The following NEK10 variants were observed in gnomAD, a reference collection of about 807,000 sequenced individuals.
NEK10 encodes the protein serine/threonine-protein kinase Nek10.
In NEK10, 122 loss-of-function variants were observed where a neutral mutation model predicts 159.8. The observed-to-expected ratio is 0.76, with a 90% CI of 0.66 to 0.89. NEK10 has a LOEUF of 0.89. NEK10 is among the 40% of genes least tolerant of loss of function. NEK10 has a pLI of 0.00. For synonymous variants in NEK10, 466 were observed against 457.1 expected (o/e 1.02, Z -0.25); for missense variants, 1,342 against 1,323.1 (o/e 1.01, Z -0.22).
chr3:27,290,550 CA>C, intron 19 of NEK10, 66 bp downstream of exon 19: 13 of 1,196,332 alleles, frequency 1.1e-5, no homozygotes, highest in Non-Finnish European at 1.4e-5. Context: ...AAGAGCACCA[CA>C]ACTCTACTTT....
At chr3:27,151,931 C>T (rs183539329) in intron 30 of NEK10, among the ~76,000 whole-genome samples, 135 of 152,128 alleles carry the variant, frequency 8.9e-4, no homozygotes, top group African/African-American at 3.1e-3. Flanking sequence ...TTAACCCACT[C>T]GAACAAAGAC....
chr3:27,308,130 A>G (rs2044386505), intron 10 of NEK10, among the ~76,000 whole-genome samples, 185 bp from the exon 11 acceptor site: 1 of 152,210 alleles, frequency 6.6e-6, no homozygotes, highest in Non-Finnish European at 1.5e-5. Flanking sequence ...ATGGTGGAAG[A>G]TAAAGGAGAA....
intron 2 of NEK10, 119 bp from the exon 3 acceptor site, chr3:27,352,644 A>G: frequency 1.2e-6 from 1 of 834,518 alleles, no homozygotes; most frequent in Non-Finnish European, 2.0e-6. Context: ...ATGAATACAC[A>G]CACTAAACAT....
chr3:27,261,974 G>A (rs1407813104), intron 22 of NEK10, among the ~76,000 whole-genome samples: 5 of 152,166 alleles, frequency 3.3e-5, no homozygotes, highest in Admixed American at 6.5e-5. Flanking sequence ...TTACCATTAT[G>A]TAATGGCCTT....
At chr3:27,293,491 A>T in intron 16 of NEK10, 97 bp downstream of exon 16, 1 of 592,800 alleles carries the variant, frequency 1.7e-6, no homozygotes, top group Non-Finnish European at 3.0e-6. Flanking sequence ...CTGACGCATT[A>T]TTTTCCTTCT....
chr3:27,214,324 G>A (rs902408900), intron 23 of NEK10, among the ~76,000 whole-genome samples: 1 of 152,184 alleles, frequency 6.6e-6, no homozygotes, highest in African/African-American at 2.4e-5. Context: ...GTCCTCACAT[G>A]TGGCTCAGAA....
chr3:27,335,941 C>T (rs188234372), intron 5 of NEK10, among the ~76,000 whole-genome samples: 68 of 151,954 alleles, frequency 4.5e-4, no homozygotes, highest in African/African-American at 1.6e-3. Flanking sequence ...TAATAATACA[C>T]CTCAAGATAC....
chr3:27,363,072 C>T (rs764293718), intron 1 of NEK10, among the ~76,000 whole-genome samples: 1 of 152,188 alleles, frequency 6.6e-6, no homozygotes, highest in Non-Finnish European at 1.5e-5. Flanking sequence ...GCCACCCAGC[C>T]AGCTGTTACT....
chr3:27,106,693 T>C lies in NEK10; in HGVS notation c.*4579A>G, dbSNP rs927656276. ...GTTTGTTATTTCTGGCACAAACTTC[T>C]CTCTGCATGTTTTATGGGACCAGTT... On this transcript the variant is annotated 3_prime_UTR_variant, in exon 36 of 36. Transcript: ENST00000691995. Among the ~76,000 whole-genome samples, 1 of 152,232 alleles carries C rather than the reference T, an allele frequency of 6.6e-6. No individual in the cohort carries two copies. Among genetic ancestry groups the C allele is most frequent in the African/African-American group, 2.4e-5 (1 of 41,466 alleles).
chr3:27,203,327 A>C (rs530042178), intron 23 of NEK10, among the ~76,000 whole-genome samples: 3 of 152,318 alleles, frequency 2.0e-5, no homozygotes, highest in Admixed American at 1.3e-4. Flanking sequence ...TCTAGCATAT[A>C]AAGTAGGGGG....
intron 30 of NEK10, among the ~76,000 whole-genome samples, chr3:27,151,561 C>T (rs1944872748): frequency 6.6e-6 from 1 of 152,114 alleles, no homozygotes; most frequent in African/African-American, 2.4e-5. Flanking sequence ...AAGAAGGAAC[C>T]AGAAAACCAG....
intron 15 of NEK10, among the ~76,000 whole-genome samples, chr3:27,294,102 T>A (rs2043181183): frequency 6.6e-6 from 1 of 152,216 alleles, no homozygotes; most frequent in African/African-American, 2.4e-5. Context: ...GCACACTGGA[T>A]TCAAACTTGA....
rs1389347508 is a variant in NEK10 at position 27,201,548 on chromosome 3, T to C, written c.2253A>G (p.Glu751=). The C allele has an allele frequency of 1.2e-6, 2 of 1,613,942 alleles. No individual in the cohort carries two copies. The highest frequency in any genetic ancestry group is 1.3e-5 in the African/African-American group (1 of 74,936). Residue 751 remains glutamate (E), a synonymous_variant, in exon 25 of 36, where the codon GAA becomes GAG. Transcript: ENST00000691995. ...CTGTTACTTTTTCAGAGTAGATACCTTCTGGGACTGGTTCATATACCGCCT... is the reference window on the plus strand; with the variant it reads ...CTGTTACTTTTTCAGAGTAGATACCCTCTGGGACTGGTTCATATACCGCCT... ...IVEAVYEPVP[E]GIYSEKVTDT...
chr3:27,112,609 A>G (rs1382600597), intron 35 of NEK10, among the ~76,000 whole-genome samples: 1 of 152,220 alleles, frequency 6.6e-6, no homozygotes, highest in Non-Finnish European at 1.5e-5. Context: ...TATTCCATGT[A>G]AAGAGTGAGG....
intron 23 of NEK10, among the ~76,000 whole-genome samples, chr3:27,253,823 A>G (rs1480563984): frequency 2.0e-5 from 3 of 152,200 alleles, no homozygotes; most frequent in African/African-American, 7.2e-5. Context: ...GAAAATAAGA[A>G]TTATAGAATT....
At chr3:27,238,746 C>CGTGTGTGTGTGTGT (rs59740177) in intron 23 of NEK10, among the ~76,000 whole-genome samples, 1 of 138,036 alleles carries the variant, frequency 7.2e-6, no homozygotes, top group Non-Finnish European at 1.5e-5. Context: ...CCTCCCCTTT[C>CGTGTGTGTGTGTGT]GTGTGTGTGT....
In NEK10 at chr3:27,346,147, C is replaced by T. The variant is rs956325936; in HGVS notation, c.202G>A (p.Gly68Arg). Residue 68 changes from glycine (G) to arginine (R), a missense_variant, in exon 4 of 36, where the codon GGA becomes AGA. Gly to Arg is a moderately radical substitution (Grantham distance 125). Coordinates refer to ENST00000691995, the MANE Select transcript of NEK10 (RefSeq NM_001394966.1). The part of the protein sequence containing the change: ...TKSEPAIRAG[G>R]HRARGQWHES... ...TGCCACTGACCCCGAGCTCTGTGTC[C>T]ACCCGCCCTGATGGCGGGCTCAGAC... 3.1e-6 allele frequency: 5 copies of T among 1,613,660 alleles called. No homozygotes were observed. Among genetic ancestry groups the T allele is most frequent in the Admixed American group, 1.7e-5 (1 of 59,992 alleles).
intron 1 of NEK10, among the ~76,000 whole-genome samples, chr3:27,358,019 C>T (rs147963005): frequency 6.6e-6 from 1 of 152,156 alleles, no homozygotes; most frequent in Non-Finnish European, 1.5e-5. Flanking sequence ...AAATAGAAAA[C>T]CACTGATTCT....
chr3:27,254,603 C>A (rs1955985024), intron 23 of NEK10, among the ~76,000 whole-genome samples: 1 of 151,916 alleles, frequency 6.6e-6, no homozygotes, highest in East Asian at 1.9e-4. Flanking sequence ...TAAAACCTAT[C>A]AGACAAGAGG....
Sources: allele counts gnomAD v4.1 joint callset (sites outside exome capture counted in the v4.1 genomes callset), GRCh38; gene constraint gnomAD v4.1.1; transcripts MANE v1.5; gene names NCBI Gene and HGNC (gene_info 2026-07-23, HGNC 2026-07-21).